TJP1: variants seen among roughly 807,000 people sequenced by gnomAD.
TJP1 encodes the protein tight junction protein 1.
In TJP1, 43 loss-of-function variants were observed where a neutral mutation model predicts 194.2. That is an observed-to-expected ratio of 0.22 (90% CI 0.17 to 0.29). The LOEUF is 0.29. Ranked by LOEUF, TJP1 falls within the 10% of genes least tolerant of loss-of-function variation. The pLI, the probability that TJP1 is intolerant of heterozygous loss-of-function variation, is 1.00. For synonymous variants in TJP1, 801 were observed against 779.0 expected (o/e 1.03, Z -0.47); for missense variants, 1,971 against 2,185.7 (o/e 0.90, Z 1.96).
intron 15 of TJP1, 192 bp from the exon 16 acceptor site, chr15:29,728,211 C>A: frequency 2.2e-6 from 1 of 455,838 alleles, no homozygotes; most frequent in Non-Finnish European, 3.9e-6. Context: ...ATTTTTTCAA[C>A]TACTTTAATA....
In TJP1 at chr15:29,705,604, G is replaced by A. The variant is rs367851023; in HGVS notation, c.4992C>T (p.Pro1664=). The change falls in exon 26 of 28, where the codon CCC becomes CCT. Residue 1664 remains proline, a synonymous_variant. Transcript: ENST00000614355. The part of the protein sequence containing the change: ...VSIIIPQGAI[P]EGVEQEIYFK... ...AATAGATTTCCTGCTCAACTCCTTC[G>A]GGAATGGCTCCTTGAGGGATAATTA... is the stretch of plus-strand genomic sequence containing the variant. 1.3e-5 allele frequency: 21 copies of A among 1,614,074 alleles called. No homozygotes were observed. Among genetic ancestry groups the A allele is most frequent in the African/African-American group, 1.1e-4 (8 of 74,936 alleles).
rs1182289223 is a variant in TJP1 at position 29,727,065 on chromosome 15, G to A, written c.2101-74C>T. 2.2e-6 allele frequency: 3 copies of A among 1,372,254 alleles called. No individual in the cohort carries two copies. In the African/African-American group the frequency reaches 4.3e-5, roughly 20 times the overall value. 85.0% of individuals were successfully genotyped at this position (1,372,254 alleles called of 1,614,324 possible). A position where few individuals can be genotyped will look rare whatever the true frequency, so the allele number is the denominator to read the frequency against. ...TAAGAATCACCAAATTCAGCTGGGT[G>A]CAGTGGCTCACGCTACGCCTATAAT... On this transcript the variant is annotated intron_variant, in intron 16 of 27. Transcript: ENST00000614355.
At chr15:29,801,586 C>T (rs1485347156) in intron 1 of TJP1, among the ~76,000 whole-genome samples, 2 of 150,262 alleles carry the variant, frequency 1.3e-5, no homozygotes, top group African/African-American at 4.9e-5. Context: ...CTCAGCCTCC[C>T]AAGTAGCTGG....
intron 2 of TJP1, among the ~76,000 whole-genome samples, chr15:29,891,733 A>G (rs1186512893): frequency 6.6e-6 from 1 of 152,188 alleles, no homozygotes; most frequent in Non-Finnish European, 1.5e-5. Context: ...CCCTGCCCAT[A>G]TAAGATGGCA....
chr15:29,944,149 G>C (rs1489566328), intron 2 of TJP1, among the ~76,000 whole-genome samples: 1 of 151,770 alleles, frequency 6.6e-6, no homozygotes, highest in Non-Finnish European at 1.5e-5. Flanking sequence ...CTGGAGTGCA[G>C]TGGTGCAATC....
At chr15:29,913,920 C>T (rs1283253620) in intron 2 of TJP1, among the ~76,000 whole-genome samples, 2 of 152,142 alleles carry the variant, frequency 1.3e-5, no homozygotes, top group Admixed American at 6.5e-5. Flanking sequence ...TACAGAGGAC[C>T]GTACTTGCAT....
upstream of TJP1, chr15:29,824,096 A>AT (rs1481277651): frequency 2.9e-4 from 39 of 134,196 alleles, no homozygotes; most frequent in African/African-American, 1.1e-3. Flanking sequence ...AAAAAAAAAA[A>AT]AAAAAAAAAA....
intron 2 of TJP1, among the ~76,000 whole-genome samples, chr15:29,896,403 G>A (rs1288400909): frequency 6.6e-6 from 1 of 152,154 alleles, no homozygotes; most frequent in Non-Finnish European, 1.5e-5. Context: ...CCAGCCACAT[G>A]GAACTGTCAG....
chr15:29,762,461 T>G, intron 5 of TJP1, 23 bp from the exon 6 acceptor site: 1 of 1,583,420 alleles, frequency 6.3e-7, no homozygotes, highest in South Asian at 1.1e-5. Flanking sequence ...AAGTAAGTGT[T>G]TTTAGTATAA....
chr15:29,878,616 G>A (rs1162162858), intron 2 of TJP1, among the ~76,000 whole-genome samples: 4 of 151,838 alleles, frequency 2.6e-5, no homozygotes, highest in African/African-American at 9.7e-5. Context: ...AGGAGCCTCC[G>A]GAAGCCCAGA....
chr15:29,721,631 A>G (rs2042933881), intron 18 of TJP1, among the ~76,000 whole-genome samples: 1 of 152,224 alleles, frequency 6.6e-6, no homozygotes, highest in Non-Finnish European at 1.5e-5. Flanking sequence ...ATGTGGAAGC[A>G]GCTTTGGAAC....
chr15:29,790,260 T>G (rs944592817), intron 2 of TJP1, among the ~76,000 whole-genome samples: 7 of 152,232 alleles, frequency 4.6e-5, no homozygotes, highest in African/African-American at 1.2e-4. Context: ...GGCATCATCT[T>G]AGAACACCAA....
In TJP1 at chr15:29,766,355, A is replaced by C; in HGVS notation, c.500T>G (p.Leu167Trp). 1 of 1,614,184 alleles carries C rather than the reference A, an allele frequency of 6.2e-7. No individual in the cohort carries two copies. Among genetic ancestry groups the C allele is most frequent in the Non-Finnish European group, 8.5e-7 (1 of 1,180,040 alleles). ...RDRSASRERS[L>W]SPRSDRRSVA... is the part of the protein sequence containing the mutation. Reference sequence around the variant, plus strand: ...TGACCGCCTGTCTGACCGCGGGGACAAGCTCCTCTCTCTACTTGCACTTCT... The same window carrying C: ...TGACCGCCTGTCTGACCGCGGGGACCAGCTCCTCTCTCTACTTGCACTTCT... Residue 167 changes from leucine (L) to tryptophan (W), a missense_variant, in exon 5 of 28, where the codon TTG becomes TGG. Around this residue, in one of 5 missense-constraint regions of TJP1, gnomAD observed 245 missense variants for 336.6 expected, o/e 0.73. Transcript: ENST00000614355.
chr15:29,776,149 A>G (rs2047002779), intron 2 of TJP1, among the ~76,000 whole-genome samples: 1 of 152,196 alleles, frequency 6.6e-6, no homozygotes, highest in Admixed American at 6.5e-5. Flanking sequence ...AATACAAAAT[A>G]AAAATAAGCA....
At chr15:29,719,753 A>T in intron 20 of TJP1, 24 bp downstream of exon 20, 1 of 1,592,034 alleles carries the variant, frequency 6.3e-7, no homozygotes, top group Non-Finnish European at 8.5e-7. Flanking sequence ...GCAACAAATT[A>T]GTGCAACACC....
At chr15:29,885,947 G>A (rs1027493666) in intron 2 of TJP1, among the ~76,000 whole-genome samples, 2 of 152,196 alleles carry the variant, frequency 1.3e-5, no homozygotes, top group African/African-American at 4.8e-5. Context: ...AAAAGAGAAG[G>A]GGGAAGAAGG....
chr15:29,726,867 C>G lies in TJP1; in HGVS notation c.2225G>C (p.Arg742Thr). The change falls in exon 17 of 28, where the codon AGG (arginine) becomes ACG (threonine). Residue 742 changes from arginine (R) to threonine (T), a missense_variant. Physicochemically the swap from Arg to Thr is moderately conservative, Grantham distance 71. Transcript: ENST00000614355. Reference sequence around the variant, plus strand: ...ACTTTTCCGAGATTCTGGACATAACCTCATTCTCATTGTTTTTACTCCTTG... The same window carrying G: ...ACTTTTCCGAGATTCTGGACATAACGTCATTCTCATTGTTTTTACTCCTTG... ...SKQGVKTMRM[R>T]LCPESRKSAR... The G allele has an allele frequency of 6.2e-7, 1 of 1,614,118 alleles. No individual in the cohort carries two copies. The highest frequency in any genetic ancestry group is 1.3e-5 in the African/African-American group (1 of 75,010).
chr15:29,718,971 G>C lies in TJP1; in HGVS notation c.3171C>G (p.Pro1057=). 6.2e-7 allele frequency: 1 copy of C among 1,614,136 alleles called. No homozygotes were observed. The change falls in exon 21 of 28, where the codon CCC becomes CCG. Residue 1057 remains proline (P), a synonymous_variant. Coordinates refer to ENST00000614355, the MANE Select transcript of TJP1 (RefSeq NM_001330239.4). ...EKQASRDLEQ[P]TYRYESSSYT... ...AGCTTGAGGACTCGTATCTGTATGT[G>C]GGCTGCTCGAGGTCTCTGCTGGCTT... is the stretch of plus-strand genomic sequence containing the variant.
chr15:29,809,583 C>T (rs6495927), intron 1 of TJP1, among the ~76,000 whole-genome samples: 119,120 of 152,080 alleles, frequency 0.78, 47,431 homozygotes, highest in East Asian at 0.86. Context: ...CGGTGGCTCA[C>T]ACCTGTAATC....
Sources: allele counts gnomAD v4.1 joint callset (sites outside exome capture counted in the v4.1 genomes callset), GRCh38; gene constraint gnomAD v4.1.1; regional missense constraint gnomAD v4.1.1; transcripts MANE v1.5; gene names NCBI Gene and HGNC (gene_info 2026-07-23, HGNC 2026-07-21).